The following PDZD2 variants were observed in gnomAD, a reference collection of about 807,000 sequenced individuals.
PDZD2 encodes the protein PDZ domain-containing protein 2.
In PDZD2, 90 loss-of-function variants were observed where a neutral mutation model predicts 220.7. That is an observed-to-expected ratio of 0.41 (90% CI 0.34 to 0.49). PDZD2 has a LOEUF of 0.49. Ranked by LOEUF, PDZD2 falls within the 20% of genes least tolerant of loss-of-function variation. PDZD2 has a pLI of 0.28. For missense variants in PDZD2, 3,174 were observed against 3,608.5 expected, an observed-to-expected ratio of 0.88 and a Z score of 3.08; for synonymous variants, 1,375 against 1,450.5, an observed-to-expected ratio of 0.95 and a Z score of 1.18.
chr5:31,995,206 A>G (rs1454003204), intron 3 of PDZD2, among the ~76,000 whole-genome samples: 4 of 152,288 alleles, frequency 2.6e-5, no homozygotes, highest in African/African-American at 7.2e-5. Flanking sequence ...TCACTTTGCT[A>G]TGCTGCCCAT....
Position 32,074,572 on chromosome 5 carries a change from G to A in PDZD2, c.3466G>A (p.Asp1156Asn). ...TGRANDPCDL[D>N]SRVQATSVKV... ...CAGAGCCAATGATCCATGCGATCTG[G>A]ACTCGAGAGTCCAGGCCACTTCTGT... Residue 1156 changes from aspartate (D) to asparagine (N), a missense_variant, in exon 18 of 25, where the codon GAC becomes AAC. Asp to Asn is a conservative substitution (Grantham distance 23). Coordinates refer to ENST00000438447, the MANE Select transcript of PDZD2 (RefSeq NM_178140.4). The A allele has an allele frequency of 6.2e-7, 1 of 1,613,958 alleles. No homozygotes were observed. Among genetic ancestry groups the A allele is most frequent in the Non-Finnish European group, 8.5e-7 (1 of 1,180,004 alleles).
At chr5:31,723,969 C>G (rs1280882882) in intron 1 of PDZD2, among the ~76,000 whole-genome samples, 2 of 152,120 alleles carry the variant, frequency 1.3e-5, no homozygotes, top group Non-Finnish European at 2.9e-5. Context: ...AAGCCTCTCT[C>G]ATGAAGAGGC....
chr5:31,888,093 C>T (rs915372898), intron 2 of PDZD2, among the ~76,000 whole-genome samples: 1 of 152,086 alleles, frequency 6.6e-6, no homozygotes, highest in Non-Finnish European at 1.5e-5. Flanking sequence ...CAGATATTGC[C>T]CATAGAAGCT....
intron 1 of PDZD2, among the ~76,000 whole-genome samples, chr5:31,783,552 G>A (rs1423823256): frequency 6.6e-6 from 1 of 152,202 alleles, no homozygotes; most frequent in African/African-American, 2.4e-5. Flanking sequence ...GCATCACAAA[G>A]AGATTGATAC....
intron 2 of PDZD2, among the ~76,000 whole-genome samples, chr5:31,849,909 TATATATATAC>T (rs1364197904): frequency 8.2e-5 from 2 of 24,534 alleles, no homozygotes; most frequent in African/African-American, 2.6e-4. Flanking sequence ...TATATACATA[TATATATATAC>T]ATATATATAT....
chr5:31,842,135 A>T (rs926481350), intron 2 of PDZD2, among the ~76,000 whole-genome samples: 35 of 152,322 alleles, frequency 2.3e-4, no homozygotes, highest in African/African-American at 8.4e-4. Flanking sequence ...ATAGCTTGAT[A>T]AGCCTTTTTG....
chr5:31,640,066 G>C (rs1327112191), intron 1 of PDZD2, among the ~76,000 whole-genome samples: 1 of 135,878 alleles, frequency 7.4e-6, no homozygotes, highest in Non-Finnish European at 1.6e-5. Flanking sequence ...CCTAAAATCT[G>C]GTTTCTCCCT....
At chr5:31,783,780 C>T (rs1339964396) in intron 1 of PDZD2, among the ~76,000 whole-genome samples, 1 of 152,164 alleles carries the variant, frequency 6.6e-6, no homozygotes, top group African/African-American at 2.4e-5. Flanking sequence ...TCTACATTTC[C>T]CCTGTGGAGA....
chr5:31,772,116 C>A (rs964347153), intron 1 of PDZD2, among the ~76,000 whole-genome samples: 2 of 152,012 alleles, frequency 1.3e-5, no homozygotes, highest in African/African-American at 4.8e-5. Context: ...AGTTCTTTGT[C>A]CTCCATTTTG....
chr5:31,849,935 CATATATATATATACATATATATATAT>C (rs1561507207), intron 2 of PDZD2, among the ~76,000 whole-genome samples: 4,154 of 18,768 alleles, frequency 0.22, 1,199 homozygotes, highest in African/African-American at 0.64. Context: ...TATATATACA[CATATATATATATACATATATATATAT>C]ACACATATAT....
intron 4 of PDZD2, among the ~76,000 whole-genome samples, chr5:31,995,947 A>T (rs371128824): frequency 1.3e-5 from 2 of 152,214 alleles, no homozygotes; most frequent in East Asian, 1.9e-4. Context: ...TTCTAAAACA[A>T]GGAGAGAGTG....
chr5:31,834,831 T>C (rs946054446), intron 2 of PDZD2, among the ~76,000 whole-genome samples: 3 of 151,912 alleles, frequency 2.0e-5, no homozygotes, highest in Non-Finnish European at 4.4e-5. Flanking sequence ...CATGTATACA[T>C]ATGTAACAAA....
intron 2 of PDZD2, among the ~76,000 whole-genome samples, chr5:31,913,117 C>G (rs1743348684): frequency 6.6e-6 from 1 of 152,016 alleles, no homozygotes; most frequent in South Asian, 2.1e-4. Flanking sequence ...GCTTGTAATC[C>G]CAGCACTTTG....
chr5:31,889,744 TGCAGTG>T (rs766659187), intron 2 of PDZD2, among the ~76,000 whole-genome samples: 55 of 152,126 alleles, frequency 3.6e-4, no homozygotes, highest in South Asian at 2.3e-3. Context: ...GGGGGCCGGG[TGCAGTG>T]GCTCACGCTT....
intron 2 of PDZD2, among the ~76,000 whole-genome samples, chr5:31,878,554 G>GTTTTTTTTTTTT (rs1411853055): frequency 5.4e-4 from 21 of 39,234 alleles, no homozygotes; most frequent in East Asian, 4.3e-3. Context: ...GATGACCTCG[G>GTTTTTTTTTTTT]CTTTTTTTTT....
intron 2 of PDZD2, among the ~76,000 whole-genome samples, chr5:31,919,358 C>CTTT (rs11349783): frequency 7.1e-6 from 1 of 140,624 alleles, no homozygotes. Context: ...ATTGTCTTGT[C>CTTT]TTTTTTTTTT....
intron 1 of PDZD2, among the ~76,000 whole-genome samples, chr5:31,708,077 G>A (rs1747910672): frequency 6.6e-6 from 1 of 152,208 alleles, no homozygotes; most frequent in Admixed American, 6.5e-5. Flanking sequence ...ATAATACTAG[G>A]TTGGGGGAGG....
At chr5:31,687,207 C>T (rs1234766486) in intron 1 of PDZD2, among the ~76,000 whole-genome samples, 1 of 152,206 alleles carries the variant, frequency 6.6e-6, no homozygotes, top group South Asian at 2.1e-4. Context: ...CTCCCAGGAG[C>T]TGATGGACCA....
At chr5:31,933,446 C>T (rs1221661900) in intron 2 of PDZD2, among the ~76,000 whole-genome samples, 3 of 152,024 alleles carry the variant, frequency 2.0e-5, no homozygotes, top group African/African-American at 4.8e-5. Flanking sequence ...TGGGTTTATA[C>T]CTGGGGTGTC....
Sources: gnomAD v4.1 joint callset for allele counts (sites outside exome capture counted in the v4.1 genomes callset) on GRCh38, gnomAD v4.1.1 for gene constraint, MANE v1.5 for transcripts, NCBI Gene and HGNC (gene_info 2026-07-23, HGNC 2026-07-21) for gene names.